VPS41: variants seen among roughly 807,000 people sequenced by gnomAD.
VPS41 encodes VPS41 subunit of HOPS complex, also known as vacuolar protein sorting-associated protein 41 homolog.
In VPS41, 85 loss-of-function variants were observed where a neutral mutation model predicts 130.9. That is an observed-to-expected ratio of 0.65 (90% CI 0.55 to 0.78). The LOEUF (loss-of-function observed/expected upper bound fraction) is 0.78. Ranked by LOEUF, VPS41 falls within the 30% of genes least tolerant of loss-of-function variation. The probability of loss-of-function intolerance (pLI) is 0.00; values close to 1 mark genes in which losing one functional copy is unlikely to be tolerated. For missense variants in VPS41, 874 were observed against 1,018.7 expected (o/e 0.86, Z 1.93); for synonymous variants, 335 against 332.9 (o/e 1.01, Z -0.07).
At chr7:38,794,319 T>C (rs972668320) in intron 9 of VPS41, among the ~76,000 whole-genome samples, 1 of 152,172 alleles carries the variant, frequency 6.6e-6, no homozygotes, top group Non-Finnish European at 1.5e-5. Context: ...GTTGTGTTCA[T>C]GTAACACATG....
chr7:38,827,567 C>A (rs1785304144), intron 5 of VPS41, among the ~76,000 whole-genome samples: 1 of 152,126 alleles, frequency 6.6e-6, no homozygotes, highest in South Asian at 2.1e-4. Flanking sequence ...CTTACCATAT[C>A]CCCTGCACCT....
At chr7:38,857,965 G>C (rs918710282) in intron 4 of VPS41, among the ~76,000 whole-genome samples, 25 of 152,328 alleles carry the variant, frequency 1.6e-4, no homozygotes, top group African/African-American at 5.3e-4. Context: ...GCAACTGGTT[G>C]AAAGAGTTAA....
At chr7:38,835,935 C>T (rs1785482160) in intron 4 of VPS41, among the ~76,000 whole-genome samples, 1 of 151,860 alleles carries the variant, frequency 6.6e-6, no homozygotes, top group Non-Finnish European at 1.5e-5. Context: ...GGTTAATGCT[C>T]TTTTGCCCTA....
At chr7:38,749,133 G>A (rs1245982701) in intron 22 of VPS41, among the ~76,000 whole-genome samples, 1 of 152,088 alleles carries the variant, frequency 6.6e-6, no homozygotes, top group Non-Finnish European at 1.5e-5. Flanking sequence ...TCAGAGTCGT[G>A]GTGATTTTAA....
chr7:38,837,870 A>T (rs1446687895), intron 4 of VPS41, among the ~76,000 whole-genome samples: 1 of 152,230 alleles, frequency 6.6e-6, no homozygotes, highest in African/African-American at 2.4e-5. Context: ...CTACAAAAAA[A>T]ATATTTATTT....
At chr7:38,866,750 C>T (rs1221688860) in intron 3 of VPS41, among the ~76,000 whole-genome samples, 1 of 151,952 alleles carries the variant, frequency 6.6e-6, no homozygotes, top group South Asian at 2.1e-4. Context: ...GATAATGGAC[C>T]AAATCCTAGG....
intron 16 of VPS41, among the ~76,000 whole-genome samples, chr7:38,765,010 T>G (rs765975545): frequency 1.3e-5 from 2 of 152,166 alleles, no homozygotes; most frequent in Non-Finnish European, 2.9e-5. Flanking sequence ...TGGGAATTTT[T>G]AAAGCATATT....
chr7:38,837,871 AT>A (rs1785529264), intron 4 of VPS41, among the ~76,000 whole-genome samples: 1 of 152,246 alleles, frequency 6.6e-6, no homozygotes, highest in Admixed American at 6.5e-5. Flanking sequence ...TACAAAAAAA[AT>A]ATTTATTTTG....
chr7:38,757,038 C>A, intron 18 of VPS41, 56 bp from the exon 19 acceptor site: 2 of 1,322,456 alleles, frequency 1.5e-6, no homozygotes, highest in Non-Finnish European at 2.1e-6. Flanking sequence ...TTAAAACACA[C>A]ACAGAGAGAT....
chr7:38,808,341 T>G (rs141224180), intron 7 of VPS41, among the ~76,000 whole-genome samples: 10 of 152,328 alleles, frequency 6.6e-5, no homozygotes, highest in Non-Finnish European at 1.5e-4. Context: ...TAGAGCTATT[T>G]TATTGCTTGG....
intron 4 of VPS41, among the ~76,000 whole-genome samples, chr7:38,860,693 CTGTTTGTGTGTG>C (rs3223571): frequency 2.2e-5 from 3 of 134,342 alleles, no homozygotes; most frequent in Non-Finnish European, 3.1e-5. Flanking sequence ...TATTAACAAT[CTGTTTGTGTGTG>C]TGTGTGTGTG....
At chr7:38,829,610 C>T (rs751494149) in intron 5 of VPS41, among the ~76,000 whole-genome samples, 2 of 152,172 alleles carry the variant, frequency 1.3e-5, no homozygotes, top group Non-Finnish European at 2.9e-5. Context: ...GAAAATCAAT[C>T]ACCACAACCA....
chr7:38,754,629 T>A, intron 21 of VPS41, 73 bp downstream of exon 21: 1 of 1,247,064 alleles, frequency 8.0e-7, no homozygotes, highest in Non-Finnish European at 1.2e-6. Context: ...AGTATCCTCC[T>A]CGCACCAATA....
At chr7:38,817,421 C>T (rs1407971622) in intron 7 of VPS41, among the ~76,000 whole-genome samples, 2 of 152,106 alleles carry the variant, frequency 1.3e-5, no homozygotes, top group African/African-American at 4.8e-5. Flanking sequence ...CAGGCCATGT[C>T]TTTAGTAGAG....
intron 14 of VPS41, among the ~76,000 whole-genome samples, chr7:38,770,939 T>C (rs1784141726): frequency 1.3e-5 from 2 of 152,212 alleles, no homozygotes; most frequent in Admixed American, 6.5e-5. Flanking sequence ...TACACATAAC[T>C]AGAAAGCTCT....
At chr7:38,891,575 C>G (rs1483327327) in intron 2 of VPS41, among the ~76,000 whole-genome samples, 1 of 152,106 alleles carries the variant, frequency 6.6e-6, no homozygotes, top group South Asian at 2.1e-4. Context: ...TAATATCTGC[C>G]ATATTGCCTC....
At chr7:38,738,892 C>A (rs1273170007) in intron 25 of VPS41, among the ~76,000 whole-genome samples, 2 of 152,224 alleles carry the variant, frequency 1.3e-5, no homozygotes, top group African/African-American at 2.4e-5. Context: ...TAAACTATGT[C>A]ATGTCATAGG....
chr7:38,862,031 C>T (rs185730023), intron 4 of VPS41, among the ~76,000 whole-genome samples: 1 of 152,280 alleles, frequency 6.6e-6, no homozygotes. Flanking sequence ...AACAAGAAGA[C>T]AGGGCATGTA....
intron 19 of VPS41, among the ~76,000 whole-genome samples, chr7:38,755,428 C>T (rs777551999): frequency 2.6e-5 from 4 of 152,170 alleles, no homozygotes; most frequent in African/African-American, 7.2e-5. Context: ...AATGAGATAC[C>T]TGAAGTTTCA....
Sources: allele counts gnomAD v4.1 joint callset (sites outside exome capture counted in the v4.1 genomes callset), GRCh38; gene constraint gnomAD v4.1.1; transcripts MANE v1.5; gene names NCBI Gene and HGNC (gene_info 2026-07-23, HGNC 2026-07-21).